Variants in AGPS observed in about 807,000 individuals in gnomAD.
The protein encoded by AGPS is alkylglycerone phosphate synthase.
Under a neutral mutation model 90.7 loss-of-function variants are expected in AGPS, and 26 were observed. That is an observed-to-expected ratio of 0.29 (90% CI 0.21 to 0.40). AGPS has a LOEUF of 0.40. Among genes scored for constraint, AGPS ranks in the 10% least tolerant of loss-of-function variants. AGPS has a pLI of 1.00. For missense variants in AGPS, 540 were observed against 816.1 expected, an observed-to-expected ratio of 0.66 and a Z score of 4.12; for synonymous variants, 294 against 285.3, an observed-to-expected ratio of 1.03 and a Z score of -0.31.
At chr2:177,428,131 A>G (rs575452804) in intron 2 of AGPS, among the ~76,000 whole-genome samples, 16 of 152,216 alleles carry the variant, frequency 1.1e-4, no homozygotes, top group African/African-American at 3.9e-4. Flanking sequence ...CTGTTTTGTC[A>G]GAAACTAGGA....
At position 177,455,109 on chromosome 2, in the gene AGPS, G is replaced by A. The variant is rs115342053; in HGVS notation, c.871-6784G>A. Among the ~76,000 whole-genome samples the A allele has an allele frequency of 3.3e-5, 5 of 152,126 alleles. No homozygotes were observed. In the South Asian group the frequency reaches 6.2e-4, roughly 19 times the overall value. ...AGGGAAGCCAAAAGGCTGGACACCCGTGCTGTAATCCATCTGGAGTATATC... is the reference window on the plus strand; with the variant it reads ...AGGGAAGCCAAAAGGCTGGACACCCATGCTGTAATCCATCTGGAGTATATC... On this transcript the variant is annotated intron_variant, in intron 8 of 19. Coordinates refer to ENST00000264167, the MANE Select transcript of AGPS (RefSeq NM_003659.4).
intron 8 of AGPS, among the ~76,000 whole-genome samples, chr2:177,452,896 T>C (rs1686994484): frequency 6.6e-6 from 1 of 152,106 alleles, no homozygotes; most frequent in Non-Finnish European, 1.5e-5. Flanking sequence ...AGTGATATTG[T>C]AATACTTTGC....
intron 7 of AGPS, among the ~76,000 whole-genome samples, chr2:177,445,033 T>G (rs569207399): frequency 1.3e-5 from 2 of 152,236 alleles, no homozygotes; most frequent in South Asian, 4.1e-4. Flanking sequence ...TCTGCTATAT[T>G]CAAATGTCCT....
rs1192537956 is a variant in AGPS at position 177,403,407 on chromosome 2, A to G, written c.260+10358A>G. Among the ~76,000 whole-genome samples, 6 of 152,298 alleles carry G rather than the reference A, an allele frequency of 3.9e-5. No homozygotes were observed. In the East Asian group the frequency reaches 1.2e-3, roughly 29 times the overall value. On this transcript the variant is annotated intron_variant, in intron 1 of 19. Transcript: ENST00000264167. ...ATTTGGATGAGAACAGAATCAGAAG[A>G]ATTAGGGTAGGAAAATCTGGGCAAT...
intron 16 of AGPS, among the ~76,000 whole-genome samples, chr2:177,510,409 A>C (rs1231967613): frequency 6.6e-6 from 1 of 152,164 alleles, no homozygotes; most frequent in African/African-American, 2.4e-5. Context: ...GGGGCTTAGG[A>C]TTTCAATATA....
chr2:177,450,125 C>T (rs1323005737), intron 8 of AGPS, among the ~76,000 whole-genome samples: 1 of 152,150 alleles, frequency 6.6e-6, no homozygotes, highest in Non-Finnish European at 1.5e-5. Context: ...GTGTCAGCCA[C>T]CACGCCCAGC....
intron 8 of AGPS, among the ~76,000 whole-genome samples, chr2:177,461,242 AG>A (rs567494699): frequency 1.3e-5 from 2 of 152,258 alleles, no homozygotes; most frequent in Admixed American, 6.5e-5. Flanking sequence ...ATTCAATCTC[AG>A]GTGCTGTGCA....
intron 11 of AGPS, among the ~76,000 whole-genome samples, chr2:177,484,018 T>A (rs1194950946): frequency 2.6e-5 from 4 of 151,552 alleles, no homozygotes; most frequent in African/African-American, 9.7e-5. Flanking sequence ...GTGTTTTTTT[T>A]TTTTTTTAAA....
intron 10 of AGPS, among the ~76,000 whole-genome samples, chr2:177,469,534 A>G (rs573599229): frequency 6.6e-6 from 1 of 152,268 alleles, no homozygotes; most frequent in South Asian, 2.1e-4. Context: ...TCACCAGTTT[A>G]CTCAGTTTAT....
At chr2:177,454,778 A>C (rs1687060960) in intron 8 of AGPS, among the ~76,000 whole-genome samples, 1 of 152,034 alleles carries the variant, frequency 6.6e-6, no homozygotes, top group Admixed American at 6.5e-5. Context: ...TGCTTTTTTC[A>C]GTCTGAGACT....
Position 177,393,020 on chromosome 2 carries a change from G to A in AGPS, c.231G>A (p.Ala77=), listed in dbSNP as rs576982787. The stretch of plus-strand genomic sequence containing the variant: ...CAGCGCCCACGGCCACTCCCGCCGC[G>A]CAGGAGTCGGGCACCATCCCAAAGA... ...ATAAPTATPA[A]QESGTIPKKR... The change falls in exon 1 of 20, where the codon GCG becomes GCA. Residue 77 remains alanine (A), a synonymous_variant. Coordinates refer to ENST00000264167, the MANE Select transcript of AGPS (RefSeq NM_003659.4). 95 of 1,550,352 alleles carry A rather than the reference G, an allele frequency of 6.1e-5. No individual in the cohort carries two copies. The African/African-American group carries it at 1.1e-3, about 19-fold the overall frequency.
chr2:177,526,800 AAG>A (rs2079091940), intron 19 of AGPS, among the ~76,000 whole-genome samples: 1 of 152,230 alleles, frequency 6.6e-6, no homozygotes. Context: ...AGTGAAGAGA[AAG>A]GGGATAGAAT....
chr2:177,494,105 T>C (rs984268984), intron 12 of AGPS, among the ~76,000 whole-genome samples: 1 of 152,190 alleles, frequency 6.6e-6, no homozygotes, highest in Non-Finnish European at 1.5e-5. Context: ...TTATAGAATT[T>C]AAATACCCTC....
intron 5 of AGPS, among the ~76,000 whole-genome samples, chr2:177,439,461 GA>G (rs1228631149): frequency 1.3e-5 from 2 of 152,106 alleles, no homozygotes; most frequent in East Asian, 3.8e-4. Flanking sequence ...TTTTTTAATA[GA>G]CATCTTTGGG....
In AGPS at chr2:177,392,885, C is replaced by T. The variant is rs757027567; in HGVS notation, c.96C>T (p.Asp32=). 3 of 1,550,524 alleles carry T rather than the reference C, an allele frequency of 1.9e-6. No homozygotes were observed. The highest frequency in any genetic ancestry group is 1.2e-5 in the South Asian group (1 of 84,202). ...AADRDRDPDP[D]RAGRRLRVLS... The stretch of plus-strand genomic sequence containing the variant: ...ACCGGGACCGGGACCCGGACCCGGA[C>T]CGCGCCGGGCGGAGGCTGCGGGTTC... The change falls in exon 1 of 20, where the codon GAC becomes GAT. Residue 32 remains aspartate, a synonymous_variant. Transcript: ENST00000264167.
intron 2 of AGPS, among the ~76,000 whole-genome samples, chr2:177,428,536 C>T (rs1269605103): frequency 6.6e-6 from 1 of 152,146 alleles, no homozygotes; most frequent in Non-Finnish European, 1.5e-5. Flanking sequence ...ATTCCCTCAG[C>T]ATTTGCTTGT....
At chr2:177,518,178 A>G (rs2105730362) in intron 17 of AGPS, among the ~76,000 whole-genome samples, 1 of 152,326 alleles carries the variant, frequency 6.6e-6, no homozygotes, top group African/African-American at 2.4e-5. Flanking sequence ...TCACGCCTGT[A>G]ATACCAGCAC....
intron 8 of AGPS, among the ~76,000 whole-genome samples, chr2:177,454,453 A>G (rs899831197): frequency 1.3e-5 from 2 of 151,854 alleles, no homozygotes. Context: ...TACAGTTATA[A>G]TAACTGTTTT....
chr2:177,445,927 T>G (rs925163822), intron 8 of AGPS, among the ~76,000 whole-genome samples: 6 of 152,180 alleles, frequency 3.9e-5, no homozygotes, highest in African/African-American at 1.4e-4. Flanking sequence ...GGATGCTAAA[T>G]GCAGGGTATT....
Sources: allele counts gnomAD v4.1 joint callset (sites outside exome capture counted in the v4.1 genomes callset), GRCh38; gene constraint gnomAD v4.1.1; transcripts MANE v1.5; gene names NCBI Gene and HGNC (gene_info 2026-07-23, HGNC 2026-07-21).